Variants in SERPINE2 observed in about 807,000 individuals in gnomAD.
SERPINE2 encodes glia-derived nexin.
Under a neutral mutation model 36.3 loss-of-function variants are expected in SERPINE2, and 14 were observed. The observed-to-expected ratio is 0.39, with a 90% CI of 0.25 to 0.60. SERPINE2 has a LOEUF of 0.60. SERPINE2 is among the 20% of genes least tolerant of loss of function. SERPINE2 has a pLI of 0.57. For synonymous variants in SERPINE2, 192 were observed against 191.8 expected (o/e 1.00, Z -0.01); for missense variants, 418 against 499.6 (o/e 0.84, Z 1.56).
intron 1 of SERPINE2, among the ~76,000 whole-genome samples, chr2:224,006,664 T>C (rs1015106968): frequency 2.6e-5 from 4 of 152,160 alleles, no homozygotes; most frequent in Admixed American, 6.6e-5. Flanking sequence ...CATTCATTGG[T>C]AGACACAAAA....
chr2:223,982,025 G>A (rs1488261280), intron 6 of SERPINE2: 1 of 151,724 alleles, frequency 6.6e-6, no homozygotes, highest in Non-Finnish European at 1.5e-5. Flanking sequence ...TAGTCACTGG[G>A]GCTTCCCATG....
chr2:223,990,095 G>T (rs920739814), intron 4 of SERPINE2, among the ~76,000 whole-genome samples: 2 of 152,092 alleles, frequency 1.3e-5, no homozygotes, highest in African/African-American at 4.8e-5. Context: ...TGTAAGGGGG[G>T]GCTTGGGAAG....
chr2:223,992,061 G>C, intron 3 of SERPINE2, 61 bp from the exon 4 acceptor site: 1 of 1,389,936 alleles, frequency 7.2e-7, no homozygotes, highest in South Asian at 1.2e-5. Context: ...CGGCTTGAGG[G>C]CAAATGGCAG....
Position 224,001,820 on chromosome 2 carries a change from G to C in SERPINE2, c.81C>G (p.Leu27=), listed in dbSNP as rs750112753. Residue 27 remains leucine (L), a synonymous_variant, in exon 2 of 9, where the codon CTC becomes CTG. Coordinates refer to ENST00000409304, the MANE Select transcript of SERPINE2 (RefSeq NM_001136528.2). ...SICSHFNPLS[L]EELGSNTGIQ... is the part of the protein sequence containing the mutation. ...TCCCCGTGTTGGAGCCTAGTTCCTC[G>C]AGAGACAGAGGATTGAAGTGGGAGC... is the stretch of plus-strand genomic sequence containing the variant. The C allele has an allele frequency of 5.6e-6, 9 of 1,614,072 alleles. No homozygotes were observed. The highest frequency in any genetic ancestry group is 7.6e-6 in the Non-Finnish European group (9 of 1,180,014).
chr2:224,003,136 C>CCA (rs1400377109), intron 1 of SERPINE2, among the ~76,000 whole-genome samples: 1 of 152,060 alleles, frequency 6.6e-6, no homozygotes, highest in African/African-American at 2.4e-5. Flanking sequence ...AAGGAGCCAG[C>CCA]CACACTCTGA....
chr2:224,011,374 T>C (rs1691618885), intron 1 of SERPINE2, among the ~76,000 whole-genome samples: 3 of 152,254 alleles, frequency 2.0e-5, no homozygotes, highest in African/African-American at 4.8e-5. Context: ...ACCATGTTTT[T>C]AGTATTGGTA....
intron 7 of SERPINE2, chr2:223,979,150 A>G (rs1690125292): frequency 6.6e-6 from 1 of 152,100 alleles, no homozygotes; most frequent in African/African-American, 2.4e-5. Flanking sequence ...AGACAGGAGG[A>G]CCTGGGCGGT....
intron 4 of SERPINE2, among the ~76,000 whole-genome samples, chr2:223,988,201 G>A (rs968217701): frequency 3.3e-5 from 5 of 152,114 alleles, no homozygotes; most frequent in African/African-American, 1.2e-4. Flanking sequence ...ACAGGGTCTT[G>A]CTCTGTTCCC....
chr2:224,003,238 A>T (rs1691257572), intron 1 of SERPINE2, among the ~76,000 whole-genome samples: 1 of 152,102 alleles, frequency 6.6e-6, no homozygotes, highest in African/African-American at 2.4e-5. Context: ...GTGGATGTGA[A>T]ATCAAGGTCG....
At chr2:224,037,329 C>G (rs1339593600) in intron 1 of SERPINE2, among the ~76,000 whole-genome samples, 2 of 152,180 alleles carry the variant, frequency 1.3e-5, no homozygotes, top group Admixed American at 1.3e-4. Context: ...TTGGAGATCG[C>G]TTGCATTGAA....
intron 1 of SERPINE2, among the ~76,000 whole-genome samples, chr2:224,013,576 G>T (rs763140604): frequency 3.3e-5 from 5 of 152,316 alleles, no homozygotes; most frequent in Admixed American, 1.3e-4. Flanking sequence ...AACAGTGGTT[G>T]TAAGAATAAT....
At chr2:223,984,706 G>T in intron 5 of SERPINE2, 46 bp downstream of exon 5, 1 of 1,571,060 alleles carries the variant, frequency 6.4e-7, no homozygotes. Context: ...AACACCTGCT[G>T]ATTGAATAAT....
intron 4 of SERPINE2, among the ~76,000 whole-genome samples, chr2:223,990,776 A>G (rs903618223): frequency 1.3e-5 from 2 of 152,154 alleles, no homozygotes; most frequent in Non-Finnish European, 2.9e-5. Context: ...CCAGGAGTTC[A>G]AGACTAGCCT....
At chr2:223,984,016 T>A (rs1441458540) in intron 5 of SERPINE2, among the ~76,000 whole-genome samples, 1 of 151,876 alleles carries the variant, frequency 6.6e-6, no homozygotes, top group Non-Finnish European at 1.5e-5. Context: ...GTGAATGTCT[T>A]ACTCTGATTA....
Position 223,985,316 on chromosome 2 carries a change from T to A in SERPINE2, c.686-366A>T, listed in dbSNP as rs913331700. The stretch of plus-strand genomic sequence containing the variant: ...GAATCATTCCTTTTTTTTTTTTTTT[T>A]AAATAAAGTGTATTGTGTATATTAA... On this transcript the variant is annotated intron_variant, in intron 4 of 8. Coordinates refer to ENST00000409304, the MANE Select transcript of SERPINE2 (RefSeq NM_001136528.2). 3.3e-3 allele frequency among the ~76,000 whole-genome samples: 431 copies of A among 132,084 alleles called. 4 individuals are homozygous for A. Among genetic ancestry groups the A allele is most frequent in the African/African-American group, 0.011 (399 of 36,056 alleles). The allele number at this position is 132,084 out of a possible 152,430, so 86.7% of individuals were successfully genotyped here.
At chr2:224,001,954 A>C (rs1377615548) in intron 1 of SERPINE2, 32 bp from the exon 2 acceptor site, 2 of 1,549,744 alleles carry the variant, frequency 1.3e-6, no homozygotes, top group African/African-American at 1.4e-5. Flanking sequence ...TATTTAAATT[A>C]TACTTAAATG....
chr2:224,031,085 A>G (rs979189433), intron 1 of SERPINE2: 25 of 985,258 alleles, frequency 2.5e-5, no homozygotes, highest in Admixed American at 6.1e-5. Flanking sequence ...CTTTGACACA[A>G]ATTTCTTCTC....
intron 7 of SERPINE2, chr2:223,978,244 G>A (rs1690086452): frequency 1.3e-5 from 2 of 152,746 alleles, no homozygotes; most frequent in South Asian, 4.1e-4. Flanking sequence ...GGTCACGCTG[G>A]TTTTGAACTC....
chr2:224,023,988 C>T (rs1692097727), intron 1 of SERPINE2, among the ~76,000 whole-genome samples: 1 of 152,180 alleles, frequency 6.6e-6, no homozygotes, highest in Non-Finnish European at 1.5e-5. Flanking sequence ...AGAGTTTGAA[C>T]TGGGTACAAG....
Sources: gnomAD v4.1 joint callset for allele counts (sites outside exome capture counted in the v4.1 genomes callset) on GRCh38, gnomAD v4.1.1 for gene constraint, MANE v1.5 for transcripts, NCBI Gene and HGNC (gene_info 2026-07-23, HGNC 2026-07-21) for gene names.